Variants in DLGAP2 observed in about 807,000 individuals in gnomAD.
The protein encoded by DLGAP2 is DLG associated protein 2.
DLGAP2 carries 26 observed loss-of-function variants against 100.3 expected under a neutral mutation model. That is an observed-to-expected ratio of 0.26 (90% CI 0.19 to 0.36). The LOEUF is 0.36. Ranked by LOEUF, DLGAP2 falls within the 10% of genes least tolerant of loss-of-function variation. DLGAP2 has a pLI of 1.00. For synonymous variants in DLGAP2, 886 were observed against 630.1 expected, an observed-to-expected ratio of 1.41 and a Z score of -6.08; for missense variants, 1,858 against 1,453.2, an observed-to-expected ratio of 1.28 and a Z score of -4.53.
chr8:1,328,749 C>G lies in DLGAP2; in HGVS notation c.106+69866C>G, dbSNP rs148855693. 5.3e-3 allele frequency among the ~76,000 whole-genome samples: 807 copies of G among 152,340 alleles called. 2 individuals carry two copies. The highest frequency in any genetic ancestry group is 8.8e-3 in the Non-Finnish European group (600 of 68,038). The stretch of plus-strand genomic sequence containing the variant: ...AACAACCACAGCAAAATGAACTAAG[C>G]TTCCCATAATAACGGGAGACGGCGG... On this transcript the variant is annotated intron_variant, in intron 3 of 14. Coordinates refer to ENST00000637795, the MANE Select transcript of DLGAP2 (RefSeq NM_001346810.2).
At chr8:1,672,407 TA>T (rs1288072241) in intron 10 of DLGAP2, among the ~76,000 whole-genome samples, 1 of 152,044 alleles carries the variant, frequency 6.6e-6, no homozygotes, top group African/African-American at 2.4e-5. Flanking sequence ...TTTGTATTTT[TA>T]GTAGAGATGG....
At chr8:1,538,549 G>A (rs373625728) in intron 4 of DLGAP2, among the ~76,000 whole-genome samples, 32 of 152,188 alleles carry the variant, frequency 2.1e-4, no homozygotes, top group African/African-American at 6.0e-4. Flanking sequence ...AAGCTGCTCC[G>A]TGCAGGGCGC....
intron 12 of DLGAP2, among the ~76,000 whole-genome samples, chr8:1,683,995 T>TATATATAC (rs1563061391): frequency 8.4e-5 from 11 of 130,264 alleles, no homozygotes; most frequent in South Asian, 5.5e-4. Flanking sequence ...TATACTTTTT[T>TATATATAC]TTTTAAGACG....
At chr8:1,110,118 G>T (rs996438368) in intron 2 of DLGAP2, among the ~76,000 whole-genome samples, 1 of 145,448 alleles carries the variant, frequency 6.9e-6, no homozygotes, top group African/African-American at 2.6e-5. Flanking sequence ...GGGTCTGTGA[G>T]GTGTGCACGT....
At chr8:1,122,740 C>G (rs146009904) in intron 2 of DLGAP2, among the ~76,000 whole-genome samples, 2 of 152,008 alleles carry the variant, frequency 1.3e-5, no homozygotes. Context: ...CATTTCCTCC[C>G]TCCCTTCATC....
intron 3 of DLGAP2, among the ~76,000 whole-genome samples, chr8:1,374,730 A>T (rs999793326): frequency 6.6e-6 from 1 of 152,190 alleles, no homozygotes; most frequent in African/African-American, 2.4e-5. Flanking sequence ...CATTATCAAA[A>T]TGCATAAAGT....
chr8:851,717 T>C (rs934682325), intron 1 of DLGAP2, among the ~76,000 whole-genome samples: 5 of 152,176 alleles, frequency 3.3e-5, no homozygotes, highest in Non-Finnish European at 7.3e-5. Context: ...TGGCTATGGA[T>C]AGGGGCATAG....
intron 3 of DLGAP2, among the ~76,000 whole-genome samples, chr8:1,277,068 G>A (rs1012563675): frequency 2.0e-5 from 3 of 152,008 alleles, no homozygotes; most frequent in Non-Finnish European, 4.4e-5. Context: ...TCATTTTTCT[G>A]ATACAAGTTG....
rs78886983 is a variant in DLGAP2 at position 1,259,028 on chromosome 8, T to A, written c.106+145T>A. On this transcript the variant is annotated intron_variant, in intron 3 of 14. Transcript: ENST00000637795. ...GTGTGCTGTTTGATAGGAACGTGAG[T>A]AAAATAATTGAAGCAAAGTGCAAGG... is the stretch of plus-strand genomic sequence containing the variant. 2,640 of 667,314 alleles carry A rather than the reference T, an allele frequency of 4.0e-3. 63 individuals carry two copies. The East Asian group carries it at 0.059, about 15-fold the overall frequency. 41.3% of individuals were successfully genotyped at this position (667,314 alleles called of 1,614,324 possible).
intron 2 of DLGAP2, among the ~76,000 whole-genome samples, chr8:1,065,928 C>G (rs1803230680): frequency 6.6e-6 from 1 of 152,198 alleles, no homozygotes; most frequent in African/African-American, 2.4e-5. Flanking sequence ...CTGGGCCTGA[C>G]TTGAGTGTCA....
intron 4 of DLGAP2, among the ~76,000 whole-genome samples, chr8:1,531,273 T>TGTGTGTGTG (rs1554491966): frequency 1.3e-5 from 2 of 151,576 alleles, no homozygotes; most frequent in African/African-American, 4.9e-5. Flanking sequence ...TGTGTGTGTG[T>TGTGTGTGTG]TCAGGTTCTT....
At chr8:1,552,040 T>C (rs983451697) in intron 5 of DLGAP2, among the ~76,000 whole-genome samples, 1 of 152,160 alleles carries the variant, frequency 6.6e-6, no homozygotes, top group African/African-American at 2.4e-5. Flanking sequence ...TCTGATTGTG[T>C]CTGTCAGTCT....
intron 3 of DLGAP2, among the ~76,000 whole-genome samples, chr8:1,389,359 C>G (rs1013340639): frequency 6.6e-6 from 1 of 151,796 alleles, no homozygotes; most frequent in Non-Finnish European, 1.5e-5. Flanking sequence ...TGCAGCATCC[C>G]GGGGAAGCCA....
At chr8:1,205,301 A>T (rs1397968202) in intron 2 of DLGAP2, among the ~76,000 whole-genome samples, 1 of 152,162 alleles carries the variant, frequency 6.6e-6, no homozygotes, top group Non-Finnish European at 1.5e-5. Context: ...GGGGTCGGGG[A>T]TAGCCCCTGA....
chr8:1,506,261 C>T (rs1225342651), intron 4 of DLGAP2, among the ~76,000 whole-genome samples: 1 of 152,156 alleles, frequency 6.6e-6, no homozygotes, highest in Non-Finnish European at 1.5e-5. Context: ...CCAGCTCTAC[C>T]TATACTTGTC....
intron 2 of DLGAP2, chr8:1,137,222 C>A: frequency 6.6e-6 from 1 of 152,388 alleles, no homozygotes; most frequent in Non-Finnish European, 1.5e-5. Context: ...CATCTGTTCC[C>A]CTTGTTACAA....
chr8:921,561 A>C (rs1161847049), intron 2 of DLGAP2, among the ~76,000 whole-genome samples: 2 of 152,190 alleles, frequency 1.3e-5, no homozygotes, highest in Non-Finnish European at 2.9e-5. Flanking sequence ...TTTCACTGGC[A>C]TTTCCCATAG....
intron 3 of DLGAP2, among the ~76,000 whole-genome samples, chr8:1,347,299 A>G (rs1801585413): frequency 6.6e-6 from 1 of 151,528 alleles, no homozygotes; most frequent in Non-Finnish European, 1.5e-5. Flanking sequence ...AGCTGTGTGG[A>G]GGTTGAGTTC....
intron 6 of DLGAP2, among the ~76,000 whole-genome samples, chr8:1,571,831 G>GA (rs2130602316): frequency 2.2e-5 from 3 of 136,506 alleles, no homozygotes; most frequent in Admixed American, 7.1e-5. Context: ...GAGGAGAGAG[G>GA]GTAAACTGTG....
Sources: gnomAD v4.1 joint callset for allele counts (sites outside exome capture counted in the v4.1 genomes callset) on GRCh38, gnomAD v4.1.1 for gene constraint, MANE v1.5 for transcripts, NCBI Gene and HGNC (gene_info 2026-07-23, HGNC 2026-07-21) for gene names.